The following TNKS variants were observed in gnomAD, a reference collection of about 807,000 sequenced individuals.
TNKS encodes the protein tankyrase, also known as poly [ADP-ribose] polymerase tankyrase-1.
In TNKS, 72 loss-of-function variants were observed where a neutral mutation model predicts 135.8. The ratio of observed to expected loss-of-function variants is 0.53; its 90% CI spans 0.44 to 0.64. TNKS has a LOEUF of 0.64. TNKS is among the 30% of genes least tolerant of loss of function. The pLI is 0.00. For missense variants in TNKS, 1,769 were observed against 1,674.0 expected (o/e 1.06, Z -0.99); for synonymous variants, 849 against 649.3 (o/e 1.31, Z -4.68).
intron 17 of TNKS, among the ~76,000 whole-genome samples, chr8:9,736,584 T>C (rs1389756167): frequency 2.2e-5 from 3 of 135,526 alleles, no homozygotes; most frequent in African/African-American, 8.4e-5. Context: ...TTGTATAAGG[T>C]GTAAGGAAGG....
intron 5 of TNKS, among the ~76,000 whole-genome samples, chr8:9,695,113 C>T (rs1803449899): frequency 6.6e-6 from 1 of 152,068 alleles, no homozygotes; most frequent in Non-Finnish European, 1.5e-5. Context: ...TACATCTAGA[C>T]ATACTGATAG....
rs80125974 is a variant in TNKS at position 9,623,434 on chromosome 8, CTTTT to C, written c.994+7771_994+7774del. Among the ~76,000 whole-genome samples the C allele has an allele frequency of 3.3e-3, 462 of 141,178 alleles. 1 individual carries two copies. The highest frequency in any genetic ancestry group is 9.0e-3 in the African/African-American group (343 of 38,198). The allele number at this position is 141,178 out of a possible 152,430, so 92.6% of individuals were successfully genotyped here. A position where few individuals can be genotyped will look rare whatever the true frequency, so the allele number is the denominator to read the frequency against. Reference sequence around the variant, plus strand: ...AAATATTGCCATAAAGTGAAACACACTTTTTTTTTTTTTTTTTGGTTTCCTAGTG... The same window carrying C: ...AAATATTGCCATAAAGTGAAACACACTTTTTTTTTTTTTGGTTTCCTAGTG... On this transcript the variant is annotated intron_variant, in intron 3 of 26. Transcript: ENST00000310430.
At chr8:9,650,950 G>A (rs1389620070) in intron 3 of TNKS, among the ~76,000 whole-genome samples, 1 of 152,116 alleles carries the variant, frequency 6.6e-6, no homozygotes. Flanking sequence ...GTTGTTTCAG[G>A]TCTTCGATTT....
At chr8:9,600,959 A>C (rs951155509) in intron 2 of TNKS, among the ~76,000 whole-genome samples, 1 of 152,202 alleles carries the variant, frequency 6.6e-6, no homozygotes, top group East Asian at 1.9e-4. Context: ...AATGTTAGTC[A>C]TTTGATAGGA....
At chr8:9,574,354 G>C (rs1383924839) in intron 1 of TNKS, among the ~76,000 whole-genome samples, 1 of 152,118 alleles carries the variant, frequency 6.6e-6, no homozygotes, top group Non-Finnish European at 1.5e-5. Context: ...AGAAATCTGA[G>C]AGCCAGTCAT....
chr8:9,710,537 G>C, intron 11 of TNKS: 1 of 468,792 alleles, frequency 2.1e-6, no homozygotes, highest in Non-Finnish European at 3.8e-6. Flanking sequence ...GTGTCCACTT[G>C]AATAACAGTT....
intron 2 of TNKS, among the ~76,000 whole-genome samples, chr8:9,613,665 A>G (rs1264053432): frequency 6.6e-6 from 1 of 152,224 alleles, no homozygotes; most frequent in Non-Finnish European, 1.5e-5. Context: ...AAACATATTT[A>G]GAAAACATCT....
rs546052803 is a variant in TNKS, at chr8:9,708,518, C to T, written c.1578+26C>T. On this transcript the variant is annotated intron_variant, in intron 9 of 26. Transcript: ENST00000310430. ...GTAAGATTTTATTGTTAATCTATTCCCTGTGTCTATAATAATAACGTAAGC... is the reference window on the plus strand; with the variant it reads ...GTAAGATTTTATTGTTAATCTATTCTCTGTGTCTATAATAATAACGTAAGC... The T allele has an allele frequency of 2.7e-5, 42 of 1,549,060 alleles. No individual in the cohort carries two copies. The South Asian group carries it at 4.0e-4, about 15-fold the overall frequency.
intron 3 of TNKS, among the ~76,000 whole-genome samples, chr8:9,629,085 T>G (rs141790817): frequency 6.6e-6 from 1 of 152,372 alleles, no homozygotes; most frequent in Non-Finnish European, 1.5e-5. Flanking sequence ...TGATTTATAC[T>G]AGGTCTCACC....
At chr8:9,713,626 G>A (rs1489192128) in intron 11 of TNKS, among the ~76,000 whole-genome samples, 1 of 152,010 alleles carries the variant, frequency 6.6e-6, no homozygotes, top group Non-Finnish European at 1.5e-5. Flanking sequence ...CATTGATAAC[G>A]CTTGCTAGTA....
chr8:9,677,149 A>G (rs1262165816), intron 3 of TNKS, among the ~76,000 whole-genome samples: 1 of 152,116 alleles, frequency 6.6e-6, no homozygotes, highest in African/African-American at 2.4e-5. Flanking sequence ...CTGTTTATGG[A>G]TTGTGGTCCT....
intron 1 of TNKS, among the ~76,000 whole-genome samples, chr8:9,578,351 T>G (rs1798038371): frequency 6.6e-6 from 1 of 152,240 alleles, no homozygotes; most frequent in Non-Finnish European, 1.5e-5. Flanking sequence ...CGTAAAGTTC[T>G]GCAGGTATTT....
intron 13 of TNKS, 80 bp from the exon 14 acceptor site, chr8:9,730,810 G>T: frequency 4.1e-6 from 6 of 1,458,052 alleles, no homozygotes; most frequent in Non-Finnish European, 5.6e-6. Flanking sequence ...TATCCAAGAT[G>T]TTGAACTATT....
intron 12 of TNKS, among the ~76,000 whole-genome samples, chr8:9,724,083 T>G (rs575599828): frequency 6.6e-6 from 1 of 152,332 alleles, no homozygotes; most frequent in Non-Finnish European, 1.5e-5. Flanking sequence ...TTAAAAACTC[T>G]AATGAGCCAG....
intron 1 of TNKS, among the ~76,000 whole-genome samples, chr8:9,559,175 A>G (rs1797219948): frequency 6.6e-6 from 1 of 152,184 alleles, no homozygotes; most frequent in South Asian, 2.1e-4. Flanking sequence ...AAACAACAAC[A>G]ACAACAAAAA....
At chr8:9,607,047 T>C (rs958938078) in intron 2 of TNKS, among the ~76,000 whole-genome samples, 6 of 152,180 alleles carry the variant, frequency 3.9e-5, no homozygotes, top group African/African-American at 1.4e-4. Flanking sequence ...ATGTTTAGTC[T>C]CTTTTTGCAT....
chr8:9,665,131 C>T (rs949654492), intron 3 of TNKS, among the ~76,000 whole-genome samples: 7 of 152,174 alleles, frequency 4.6e-5, no homozygotes, highest in African/African-American at 7.2e-5. Context: ...GTTTTCCTCC[C>T]CTCCTTTTTA....
intron 25 of TNKS, among the ~76,000 whole-genome samples, chr8:9,767,748 A>G (rs1282762215): frequency 2.6e-5 from 4 of 152,030 alleles, no homozygotes; most frequent in Non-Finnish European, 5.9e-5. Context: ...TCATGCCGTC[A>G]GGAGATTGAG....
chr8:9,772,871 T>G (rs1808012900), intron 26 of TNKS, among the ~76,000 whole-genome samples: 1 of 145,148 alleles, frequency 6.9e-6, no homozygotes, highest in African/African-American at 2.6e-5. Context: ...AGTGCGTATG[T>G]GTGGGTGTGG....
Sources: allele counts gnomAD v4.1 joint callset (sites outside exome capture counted in the v4.1 genomes callset), GRCh38; gene constraint gnomAD v4.1.1; transcripts MANE v1.5; gene names NCBI Gene and HGNC (gene_info 2026-07-23, HGNC 2026-07-21).